The following CDKAL1 variants were observed in gnomAD, a reference collection of about 807,000 sequenced individuals.
CDKAL1 encodes threonylcarbamoyladenosine tRNA methylthiotransferase.
Under a neutral mutation model 68.2 loss-of-function variants are expected in CDKAL1, and 32 were observed. That is an observed-to-expected ratio of 0.47 (90% CI 0.35 to 0.63). The LOEUF (loss-of-function observed/expected upper bound fraction) is 0.63, where lower values mean the gene tolerates loss of function less well. Among genes scored for constraint, CDKAL1 ranks in the 30% least tolerant of loss-of-function variants. The probability of loss-of-function intolerance (pLI) is 0.00; values close to 1 mark genes in which losing one functional copy is unlikely to be tolerated. For missense variants in CDKAL1, 606 were observed against 696.7 expected, an observed-to-expected ratio of 0.87 and a Z score of 1.47; for synonymous variants, 234 against 244.3, an observed-to-expected ratio of 0.96 and a Z score of 0.39.
intron 12 of CDKAL1, among the ~76,000 whole-genome samples, chr6:21,086,102 A>G (rs1772677577): frequency 6.6e-6 from 1 of 152,162 alleles, no homozygotes; most frequent in East Asian, 1.9e-4. Flanking sequence ...ATGTTGTTTC[A>G]TTTAATCTTC....
At chr6:21,144,713 T>A (rs1776080841) in intron 13 of CDKAL1, among the ~76,000 whole-genome samples, 1 of 150,822 alleles carries the variant, frequency 6.6e-6, no homozygotes, top group Non-Finnish European at 1.5e-5. Flanking sequence ...GGTAGGAGGA[T>A]CACCTGAGCC....
chr6:20,559,773 G>A (rs1467671974), intron 4 of CDKAL1: 3 of 152,100 alleles, frequency 2.0e-5, no homozygotes, highest in Non-Finnish European at 2.9e-5. Flanking sequence ...TCATGAGTCA[G>A]ATAAACATAT....
At chr6:21,078,169 A>G (rs1176540074) in intron 12 of CDKAL1, among the ~76,000 whole-genome samples, 1 of 152,182 alleles carries the variant, frequency 6.6e-6, no homozygotes, top group Admixed American at 6.5e-5. Context: ...TTTTGTGGTA[A>G]TTTGTTACTG....
intron 5 of CDKAL1, among the ~76,000 whole-genome samples, chr6:20,706,708 G>A (rs933808875): frequency 1.3e-5 from 2 of 152,130 alleles, no homozygotes; most frequent in African/African-American, 4.8e-5. Context: ...CAGGAGTACA[G>A]CATCTGTTTC....
intron 13 of CDKAL1, among the ~76,000 whole-genome samples, chr6:21,142,200 C>T (rs527683904): frequency 6.6e-6 from 1 of 152,084 alleles, no homozygotes; most frequent in Admixed American, 6.5e-5. Flanking sequence ...CCTTTTCTCC[C>T]CTCTTGGCAA....
chr6:20,786,628 G>T (rs1177385638), intron 8 of CDKAL1, among the ~76,000 whole-genome samples: 1 of 150,920 alleles, frequency 6.6e-6, no homozygotes, highest in Non-Finnish European at 1.5e-5. Context: ...CTCCTGAGTA[G>T]CTGGGACTTC....
chr6:21,112,762 T>G (rs574554211), intron 13 of CDKAL1, among the ~76,000 whole-genome samples: 1 of 152,342 alleles, frequency 6.6e-6, no homozygotes, highest in Admixed American at 6.5e-5. Context: ...ATTAGTGCTT[T>G]ACTCAACCAG....
intron 8 of CDKAL1, among the ~76,000 whole-genome samples, chr6:20,835,804 C>A (rs1777914914): frequency 6.6e-6 from 1 of 152,122 alleles, no homozygotes; most frequent in Admixed American, 6.6e-5. Context: ...CCTGCCTCGG[C>A]CTCGCAAAGT....
intron 5 of CDKAL1, among the ~76,000 whole-genome samples, chr6:20,695,900 A>G (rs938915171): frequency 2.0e-5 from 3 of 152,124 alleles, no homozygotes; most frequent in Non-Finnish European, 4.4e-5. Context: ...CATTATCCAA[A>G]CTAAAACTCT....
intron 11 of CDKAL1, among the ~76,000 whole-genome samples, chr6:21,046,934 T>C (rs1382826103): frequency 1.3e-5 from 2 of 152,256 alleles, no homozygotes; most frequent in Non-Finnish European, 2.9e-5. Flanking sequence ...TAAACCTTGC[T>C]TCAACCTTAA....
At chr6:20,640,538 T>A (rs1473824251) in intron 4 of CDKAL1, among the ~76,000 whole-genome samples, 3 of 152,198 alleles carry the variant, frequency 2.0e-5, no homozygotes, top group African/African-American at 7.2e-5. Flanking sequence ...TCCTGCTCAT[T>A]ACCAAAGGCC....
chr6:21,171,131 A>G (rs1291450551), intron 13 of CDKAL1, among the ~76,000 whole-genome samples: 1 of 152,226 alleles, frequency 6.6e-6, no homozygotes, highest in Non-Finnish European at 1.5e-5. Flanking sequence ...AGGTTTCACC[A>G]TTATGATCAG....
At chr6:20,939,446 A>C (rs1173628290) in intron 9 of CDKAL1, among the ~76,000 whole-genome samples, 1 of 152,344 alleles carries the variant, frequency 6.6e-6, no homozygotes, top group African/African-American at 2.4e-5. Flanking sequence ...AGAGTTTTGT[A>C]GAATATTTAA....
chr6:21,117,797 T>G (rs550808532), intron 13 of CDKAL1, among the ~76,000 whole-genome samples: 1 of 152,158 alleles, frequency 6.6e-6, no homozygotes, highest in Non-Finnish European at 1.5e-5. Flanking sequence ...TACAAAATGA[T>G]TGTAAAACTT....
chr6:20,814,594 C>T (rs1296016116), intron 8 of CDKAL1, among the ~76,000 whole-genome samples: 3 of 152,206 alleles, frequency 2.0e-5, no homozygotes, highest in Non-Finnish European at 2.9e-5. Context: ...TCTCTGATTG[C>T]TTTTAATGTT....
At chr6:20,633,237 C>G (rs900731712) in intron 4 of CDKAL1, among the ~76,000 whole-genome samples, 1 of 152,214 alleles carries the variant, frequency 6.6e-6, no homozygotes, top group Non-Finnish European at 1.5e-5. Context: ...AGTCTACTTT[C>G]TGTGCTGTGG....
intron 8 of CDKAL1, among the ~76,000 whole-genome samples, chr6:20,825,567 T>C (rs1311780309): frequency 6.6e-6 from 1 of 152,154 alleles, no homozygotes; most frequent in Admixed American, 6.6e-5. Context: ...ATTTGTTAAG[T>C]ATTAATGATA....
At chr6:20,680,479 T>A (rs1024489009) in intron 5 of CDKAL1, among the ~76,000 whole-genome samples, 1 of 152,232 alleles carries the variant, frequency 6.6e-6, no homozygotes, top group African/African-American at 2.4e-5. Flanking sequence ...GAAGGAAAAC[T>A]AAAGAAGAAT....
At position 20,663,364 on chromosome 6, in the gene CDKAL1, G is replaced by T. The variant is rs529254188; in HGVS notation, c.371+13987G>T. 2.0e-5 allele frequency among the ~76,000 whole-genome samples: 3 copies of T among 152,180 alleles called. No individual in the cohort carries two copies. In the East Asian group the frequency reaches 5.8e-4, roughly 29 times the overall value. ...CTATAGGGTATAAACTTTGGGACAA[G>T]ATACACATTTTATTTATCTTTCTAT... On this transcript the variant is annotated intron_variant, in intron 5 of 15. Coordinates refer to ENST00000274695, the MANE Select transcript of CDKAL1 (RefSeq NM_017774.3).
Sources: gnomAD v4.1 joint callset for allele counts (sites outside exome capture counted in the v4.1 genomes callset) on GRCh38, gnomAD v4.1.1 for gene constraint, MANE v1.5 for transcripts, NCBI Gene and HGNC (gene_info 2026-07-23, HGNC 2026-07-21) for gene names.